The following RAD51B variants were observed in gnomAD, a reference collection of about 807,000 sequenced individuals.
RAD51B encodes RAD51 paralog B, also known as DNA repair protein RAD51 homolog 2.
A neutral mutation model predicts 42.2 loss-of-function variants in RAD51B; 38 were observed. The observed-to-expected ratio is 0.90, with a 90% confidence interval of 0.70 to 1.18. RAD51B has a LOEUF of 1.18. RAD51B is among the 50% of genes most tolerant of loss of function. The pLI is 0.00. For missense variants in RAD51B, 373 were observed against 400.7 expected, an observed-to-expected ratio of 0.93 and a Z score of 0.59; for synonymous variants, 154 against 145.2, an observed-to-expected ratio of 1.06 and a Z score of -0.43.
At chr14:68,446,381 C>G (rs558141834) in intron 9 of RAD51B, among the ~76,000 whole-genome samples, 1 of 152,294 alleles carries the variant, frequency 6.6e-6, no homozygotes, top group South Asian at 2.1e-4. Flanking sequence ...CCCTTGATCT[C>G]TTACCCCTTC....
intron 4 of RAD51B, among the ~76,000 whole-genome samples, chr14:67,838,313 CAT>C (rs905311438): frequency 2.0e-5 from 3 of 152,086 alleles, no homozygotes; most frequent in African/African-American, 7.2e-5. Flanking sequence ...CACATACACA[CAT>C]GTGGAGGTAA....
At chr14:68,342,405 G>A (rs900315459) in intron 8 of RAD51B, among the ~76,000 whole-genome samples, 9 of 152,202 alleles carry the variant, frequency 5.9e-5, no homozygotes, top group Middle Eastern at 3.2e-3. Flanking sequence ...TAGGGAAAGT[G>A]GAATGGCTTA....
intron 10 of RAD51B, among the ~76,000 whole-genome samples, chr14:68,501,312 T>C (rs1353639595): frequency 5.9e-5 from 9 of 152,226 alleles, no homozygotes; most frequent in African/African-American, 1.9e-4. Flanking sequence ...AGGAAGAGAC[T>C]ATGCTATCAG....
At chr14:68,553,506 A>G (rs1245543497) in intron 10 of RAD51B, among the ~76,000 whole-genome samples, 3 of 152,060 alleles carry the variant, frequency 2.0e-5, no homozygotes, top group African/African-American at 7.2e-5. Flanking sequence ...GCGAGCAAAG[A>G]GAGGCGAGGT....
At chr14:68,150,191 A>T (rs2078348526) in intron 7 of RAD51B, among the ~76,000 whole-genome samples, 1 of 152,174 alleles carries the variant, frequency 6.6e-6, no homozygotes, top group Non-Finnish European at 1.5e-5. Context: ...TGATCCACCC[A>T]CCTTGGCCTC....
chr14:67,863,049 A>T (rs1287554658), intron 4 of RAD51B, among the ~76,000 whole-genome samples: 1 of 152,052 alleles, frequency 6.6e-6, no homozygotes. Flanking sequence ...CTGATCTCTC[A>T]TAATCTGGCA....
chr14:67,983,543 T>C (rs2075131903), intron 7 of RAD51B, among the ~76,000 whole-genome samples: 1 of 152,214 alleles, frequency 6.6e-6, no homozygotes, highest in Admixed American at 6.5e-5. Context: ...TAGCATTTTC[T>C]CACTGCAAAA....
At chr14:68,405,456 A>T (rs1172368094) in intron 8 of RAD51B, among the ~76,000 whole-genome samples, 2 of 152,162 alleles carry the variant, frequency 1.3e-5, no homozygotes, top group Admixed American at 6.5e-5. Flanking sequence ...AAAAAAATTT[A>T]AAAATTGCCT....
chr14:68,324,305 G>A (rs898832337), intron 8 of RAD51B, among the ~76,000 whole-genome samples: 1 of 152,208 alleles, frequency 6.6e-6, no homozygotes, highest in African/African-American at 2.4e-5. Context: ...GATGACACTT[G>A]ATGAGCCATC....
At position 68,268,010 on chromosome 14, in the gene RAD51B, T is replaced by C. The variant is rs532851850; in HGVS notation, c.757-23874T>C. On this transcript the variant is annotated intron_variant, in intron 7 of 10. Coordinates refer to ENST00000471583, the MANE Select transcript of RAD51B (RefSeq NM_133510.4). ...AGTTATAAATCACTGTTGTTTTAAG[T>C]AAGTGACCTAAATGCCATTTTTATT... Among the ~76,000 whole-genome samples, 7 of 152,332 alleles carry C rather than the reference T, an allele frequency of 4.6e-5. No homozygotes were observed. In the South Asian group the frequency reaches 1.5e-3, roughly 32 times the overall value.
Position 68,415,229 on chromosome 14 carries a change from T to G in RAD51B, c.957+3702T>G, listed in dbSNP as rs560022271. On this transcript the variant is annotated intron_variant, in intron 9 of 10. Transcript: ENST00000471583. ...ATGTGATTCTAATGTGCAGCCAAGG[T>G]TGGGAACCTCTGCCTTAAATAATAG... is the stretch of plus-strand genomic sequence containing the variant. Among the ~76,000 whole-genome samples the G allele has an allele frequency of 2.3e-4, 35 of 151,942 alleles. 1 individual carries two copies. In the South Asian group the frequency reaches 7.1e-3, roughly 31 times the overall value.
At chr14:68,244,987 T>C (rs2080465538) in intron 7 of RAD51B, among the ~76,000 whole-genome samples, 1 of 152,202 alleles carries the variant, frequency 6.6e-6, no homozygotes, top group South Asian at 2.1e-4. Flanking sequence ...GATGTTTCTT[T>C]TGGAAGGAGG....
chr14:68,452,350 T>C (rs1187572165), intron 9 of RAD51B, among the ~76,000 whole-genome samples: 1 of 152,182 alleles, frequency 6.6e-6, no homozygotes, highest in Non-Finnish European at 1.5e-5. Context: ...AAAATTGAAA[T>C]TGGTGATACT....
rs117232777 is a variant in RAD51B at position 68,260,593 on chromosome 14, A to G, written c.757-31291A>G. Among the ~76,000 whole-genome samples, 375 of 152,146 alleles carry G rather than the reference A, an allele frequency of 2.5e-3. 6 individuals are homozygous for G. In the East Asian group the frequency reaches 0.036, roughly 15 times the overall value. On this transcript the variant is annotated intron_variant, in intron 7 of 10. Coordinates refer to ENST00000471583, the MANE Select transcript of RAD51B (RefSeq NM_133510.4). ...GACCTAATGATGATAAACTAGGGGG[A>G]TCTTAGCAAAGCCTGTTTGTTTAGT...
At chr14:68,094,427 G>A (rs538650401) in intron 7 of RAD51B, among the ~76,000 whole-genome samples, 1 of 152,234 alleles carries the variant, frequency 6.6e-6, no homozygotes, top group African/African-American at 2.4e-5. Context: ...GATTCATTTT[G>A]AAAGAGTATT....
At chr14:67,838,362 A>C (rs1398174703) in intron 4 of RAD51B, among the ~76,000 whole-genome samples, 1 of 152,146 alleles carries the variant, frequency 6.6e-6, no homozygotes, top group Non-Finnish European at 1.5e-5. Context: ...AATTGGGCAA[A>C]ATGTTAACGG....
intron 8 of RAD51B, among the ~76,000 whole-genome samples, chr14:68,342,159 T>G (rs1215552670): frequency 6.6e-6 from 1 of 152,212 alleles, no homozygotes; most frequent in Non-Finnish European, 1.5e-5. Flanking sequence ...TGTGAACACT[T>G]GAAGACAGAA....
At chr14:68,070,345 T>G (rs2076721345) in intron 7 of RAD51B, among the ~76,000 whole-genome samples, 1 of 152,200 alleles carries the variant, frequency 6.6e-6, no homozygotes, top group South Asian at 2.1e-4. Flanking sequence ...TGTCTTGAAG[T>G]CTTTGCATGG....
intron 8 of RAD51B, among the ~76,000 whole-genome samples, chr14:68,349,586 G>A (rs925283620): frequency 6.6e-6 from 1 of 152,046 alleles, no homozygotes; most frequent in African/African-American, 2.4e-5. Flanking sequence ...GGCTGGTCTC[G>A]AACTCCAGAC....
Sources: allele counts gnomAD v4.1 joint callset (sites outside exome capture counted in the v4.1 genomes callset), GRCh38; gene constraint gnomAD v4.1.1; transcripts MANE v1.5; gene names NCBI Gene and HGNC (gene_info 2026-07-23, HGNC 2026-07-21).